CLVS1: variants seen among roughly 807,000 people sequenced by gnomAD.
CLVS1 encodes the protein clavesin-1.
A neutral mutation model predicts 33.1 loss-of-function variants in CLVS1; 10 were observed. The ratio of observed to expected loss-of-function variants is 0.30; its 90% CI spans 0.19 to 0.51. The LOEUF (loss-of-function observed/expected upper bound fraction) is 0.51. Among genes scored for constraint, CLVS1 ranks in the 20% least tolerant of loss-of-function variants. The pLI is 0.97. For missense variants in CLVS1, 343 were observed against 433.4 expected (o/e 0.79, Z 1.85); for synonymous variants, 163 against 166.1 (o/e 0.98, Z 0.14).
intron 2 of CLVS1, among the ~76,000 whole-genome samples, chr8:61,310,913 G>T (rs1341683079): frequency 1.3e-5 from 2 of 152,124 alleles, no homozygotes; most frequent in African/African-American, 4.8e-5. Context: ...TGCTACCAGT[G>T]TTGTGACCTT....
chr8:61,359,503 G>A (rs572110597), intron 2 of CLVS1, among the ~76,000 whole-genome samples: 3 of 152,098 alleles, frequency 2.0e-5, no homozygotes, highest in Non-Finnish European at 2.9e-5. Context: ...TGATAGGCAA[G>A]TGCCATCATG....
chr8:61,247,871 A>G (rs1808851388), intron 2 of CLVS1, among the ~76,000 whole-genome samples: 1 of 152,156 alleles, frequency 6.6e-6, no homozygotes, highest in Non-Finnish European at 1.5e-5. Flanking sequence ...TCCTAGGTCC[A>G]GGATGGGAGT....
intron 5 of CLVS1, among the ~76,000 whole-genome samples, chr8:61,473,220 G>A (rs1179287847): frequency 6.6e-6 from 1 of 151,832 alleles, no homozygotes; most frequent in Admixed American, 6.6e-5. Context: ...CATTTGGAAG[G>A]ACCAGTGTCA....
intron 2 of CLVS1, among the ~76,000 whole-genome samples, chr8:61,260,841 A>G (rs557201985): frequency 6.6e-6 from 1 of 152,318 alleles, no homozygotes; most frequent in Non-Finnish European, 1.5e-5. Flanking sequence ...AAGGGGGAGT[A>G]GATAACCATG....
At chr8:61,451,012 G>T (rs1283016289) in intron 3 of CLVS1, among the ~76,000 whole-genome samples, 1 of 152,184 alleles carries the variant, frequency 6.6e-6, no homozygotes, top group African/African-American at 2.4e-5. Flanking sequence ...ATGTCAAGCA[G>T]CACTGCTCCA....
At chr8:61,058,677 G>A (rs1006511725) in intron 1 of CLVS1, among the ~76,000 whole-genome samples, 19 of 152,240 alleles carry the variant, frequency 1.2e-4, no homozygotes, top group African/African-American at 4.3e-4. Flanking sequence ...CAGTTTTCTC[G>A]TGTACTATCC....
chr8:61,419,977 G>A (rs879460240), intron 3 of CLVS1, among the ~76,000 whole-genome samples: 16 of 152,224 alleles, frequency 1.1e-4, no homozygotes, highest in African/African-American at 3.9e-4. Context: ...ATGGTAAAGA[G>A]CAAGTAACCT....
chr8:61,315,850 G>C (rs1810991349), intron 2 of CLVS1, among the ~76,000 whole-genome samples: 2 of 152,034 alleles, frequency 1.3e-5, no homozygotes. Context: ...ATCTACATTA[G>C]GTATTTCTCC....
the CLVS1 span, among the ~76,000 whole-genome samples, chr8:60,990,870 G>C: frequency 6.6e-6 from 1 of 151,920 alleles, no homozygotes; most frequent in Non-Finnish European, 1.5e-5. Context: ...CACCACGCTT[G>C]GCTAATTTAT....
the CLVS1 span, among the ~76,000 whole-genome samples, chr8:61,021,532 T>C: frequency 1.3e-5 from 2 of 151,654 alleles, no homozygotes; most frequent in African/African-American, 4.8e-5. Context: ...TTTTTTTTTT[T>C]TGTATTTTTA....
intron 1 of CLVS1, among the ~76,000 whole-genome samples, chr8:61,124,860 C>T (rs970029268): frequency 6.6e-6 from 1 of 152,140 alleles, no homozygotes; most frequent in Non-Finnish European, 1.5e-5. Flanking sequence ...TGATCAGTGC[C>T]TCATGTGCCA....
intron 2 of CLVS1, among the ~76,000 whole-genome samples, chr8:61,302,477 C>A (rs778270843): frequency 2.6e-5 from 4 of 152,112 alleles, no homozygotes; most frequent in Admixed American, 6.5e-5. Context: ...CATACAATCC[C>A]TGCCGGTTAG....
At chr8:61,122,787 G>C (rs1805901492) in intron 1 of CLVS1, among the ~76,000 whole-genome samples, 1 of 152,086 alleles carries the variant, frequency 6.6e-6, no homozygotes, top group South Asian at 2.1e-4. Flanking sequence ...AGGTGCTTTT[G>C]ACCAGCTTCA....
At chr8:60,968,829 C>T in the CLVS1 span, among the ~76,000 whole-genome samples, 2 of 151,780 alleles carry the variant, frequency 1.3e-5, no homozygotes, top group East Asian at 3.9e-4. Flanking sequence ...GTTAAGGCTG[C>T]AGTGAGCTGC....
intron 2 of CLVS1, among the ~76,000 whole-genome samples, chr8:61,268,652 A>G (rs1319938915): frequency 6.8e-5 from 9 of 131,650 alleles, no homozygotes; most frequent in African/African-American, 2.3e-4. Context: ...AAGTGTTCCT[A>G]TTTCTCCACA....
At chr8:61,246,315 G>A (rs538017572) in intron 2 of CLVS1, among the ~76,000 whole-genome samples, 20 of 150,708 alleles carry the variant, frequency 1.3e-4, no homozygotes, top group South Asian at 8.5e-4. Flanking sequence ...GATTATAGGC[G>A]TCCACCACCA....
At chr8:61,306,050 A>AT (rs1235152465) in intron 2 of CLVS1, among the ~76,000 whole-genome samples, 1 of 152,218 alleles carries the variant, frequency 6.6e-6, no homozygotes, top group Non-Finnish European at 1.5e-5. Flanking sequence ...TCGGGTATAT[A>AT]TCCAGTAATA....
At chr8:61,172,564 C>A (rs1038678219) in intron 2 of CLVS1, among the ~76,000 whole-genome samples, 2 of 152,026 alleles carry the variant, frequency 1.3e-5, no homozygotes, top group African/African-American at 2.4e-5. Flanking sequence ...TAATATTACT[C>A]ATGAGATTTT....
At chr8:61,465,230 C>A (rs1442561182) in intron 5 of CLVS1, 2 of 152,252 alleles carry the variant, frequency 1.3e-5, no homozygotes, top group African/African-American at 4.8e-5. Flanking sequence ...GTTACCCGAC[C>A]CCCATAGTTC....
Sources: allele counts gnomAD v4.1 joint callset (sites outside exome capture counted in the v4.1 genomes callset), GRCh38; gene constraint gnomAD v4.1.1; transcripts MANE v1.5; gene names NCBI Gene and HGNC (gene_info 2026-07-23, HGNC 2026-07-21).